The following RPS13 variants were observed in gnomAD, a reference collection of about 807,000 sequenced individuals.
The protein encoded by RPS13 is small ribosomal subunit protein uS15.
Under a neutral mutation model 24.6 loss-of-function variants are expected in RPS13, and 1 was observed. That is an observed-to-expected ratio of 0.04 (90% CI 0.01 to 0.19). The LOEUF is 0.19. Ranked by LOEUF, RPS13 falls within the 10% of genes least tolerant of loss-of-function variation. The pLI, the probability that RPS13 is intolerant of heterozygous loss-of-function variation, is 1.00. For missense variants in RPS13, 88 were observed against 187.4 expected, an observed-to-expected ratio of 0.47 and a Z score of 3.10; for synonymous variants, 69 against 65.3, an observed-to-expected ratio of 1.06 and a Z score of -0.27.
At chr11:17,075,270 A>G (rs1405100424) in intron 4 of RPS13, 73 bp from the exon 5 acceptor site, 6 of 1,140,044 alleles carry the variant, frequency 5.3e-6, no homozygotes, top group Middle Eastern at 4.0e-4. Flanking sequence ...TTAATAAGAG[A>G]ATGTAGAGCT....
intron 3 of RPS13, chr11:17,076,910 T>TG (rs1386917947): frequency 3.8e-6 from 2 of 527,068 alleles, no homozygotes; most frequent in Non-Finnish European, 6.8e-6. Context: ...CTGTGTGATT[T>TG]GGGGCTGGTT....
chr11:17,077,487 G>T lies in RPS13; in HGVS notation c.24-10C>A. 1 of 1,614,064 alleles carries T rather than the reference G, an allele frequency of 6.2e-7. No homozygotes were observed. The highest frequency in any genetic ancestry group is 8.5e-7 in the Non-Finnish European group (1 of 1,180,010). On this transcript the variant is annotated splice_polypyrimidine_tract_variant and intron_variant, in intron 1 of 5. Transcript: ENST00000525634. Reference sequence around the variant, plus strand: ...CTGGGACAGGCCCTTCCTGGGGAGAGAAGCAGTCTCGAGGTGAGGTGGCGG... The same window carrying T: ...CTGGGACAGGCCCTTCCTGGGGAGATAAGCAGTCTCGAGGTGAGGTGGCGG...
intron 5 of RPS13, 150 bp downstream of exon 5, chr11:17,074,947 G>C: frequency 1.6e-6 from 1 of 627,690 alleles, no homozygotes; most frequent in Non-Finnish European, 2.8e-6. Context: ...CCCACTACCA[G>C]GCCAGAGCTC....
At chr11:17,074,863 T>C (rs1041224218) in intron 5 of RPS13, 21 of 615,946 alleles carry the variant, frequency 3.4e-5, no homozygotes, top group Non-Finnish European at 5.8e-5. Flanking sequence ...GGTCTGCAAC[T>C]ATGGCCCTCT....
intron 3 of RPS13, chr11:17,076,023 T>G (rs1848020602): frequency 3.1e-6 from 1 of 318,938 alleles, no homozygotes; most frequent in African/African-American, 2.2e-5. Flanking sequence ...ACATATTTTC[T>G]TTTGATGTGT....
In RPS13 at chr11:17,077,415, A is replaced by C. The variant is rs1848037847; in HGVS notation, c.72+14T>G. On this transcript the variant is annotated intron_variant, in intron 2 of 5. Coordinates refer to ENST00000525634, the MANE Select transcript of RPS13 (RefSeq NM_001017.3). ...CCCTCCCCGGATTCTCCCCGGTCCC[A>C]GCGCGCTACTTACAGTGGGGACGCT... is the stretch of plus-strand genomic sequence containing the variant. The C allele has an allele frequency of 6.2e-7, 1 of 1,602,790 alleles. No homozygotes were observed. Among genetic ancestry groups the C allele is most frequent in the African/African-American group, 1.3e-5 (1 of 74,294 alleles).
chr11:17,075,925 C>T (rs1848019188), intron 3 of RPS13: 1 of 491,058 alleles, frequency 2.0e-6, no homozygotes, highest in Non-Finnish European at 3.9e-6. Flanking sequence ...CTAACATTTA[C>T]TGAGAACTCT....
In RPS13 at chr11:17,075,490, T is replaced by C; in HGVS notation, c.285A>G (p.Ala95=). Residue 95 remains alanine (A), a synonymous_variant, in exon 4 of 6, where the codon GCA becomes GCG. Coordinates refer to ENST00000525634, the MANE Select transcript of RPS13 (RefSeq NM_001017.3). ...TCTCAAGATGCTTTCGAACAGCAAC[T>C]GCTTTCTTAATTAAATGGTAGAGAT... The part of the protein sequence containing the change: ...PEDLYHLIKK[A]VAVRKHLERN... 2 of 1,586,862 alleles carry C rather than the reference T, an allele frequency of 1.3e-6. No individual in the cohort carries two copies. Among genetic ancestry groups the C allele is most frequent in the Admixed American group, 3.8e-5 (2 of 52,012 alleles).
rs559351859 is a variant in RPS13, at chr11:17,076,607, G to C, written c.151+561C>G. On this transcript the variant is annotated intron_variant, in intron 3 of 5. Transcript: ENST00000525634. ...CTCTCTGTCACCCAGGAGTGCAGTG[G>C]CTTCATCATAGCTCACTGCAGCCTG... 2.9e-4 allele frequency: 114 copies of C among 392,150 alleles called. 1 individual carries two copies. The highest frequency in any genetic ancestry group is 2.1e-3 in the South Asian group (113 of 52,878). 24.3% of individuals were successfully genotyped at this position (392,150 alleles called of 1,614,324 possible). A position where few individuals can be genotyped will look rare whatever the true frequency, so the allele number is the denominator to read the frequency against.
chr11:17,077,369 C>CA, intron 2 of RPS13, 60 bp downstream of exon 2: 2 of 1,591,132 alleles, frequency 1.3e-6, no homozygotes, highest in Non-Finnish European at 1.7e-6. Flanking sequence ...GGCGTCGCTT[C>CA]ACCCGAGACA....
intron 3 of RPS13, chr11:17,076,471 G>T: frequency 2.9e-6 from 1 of 344,784 alleles, no homozygotes; most frequent in Non-Finnish European, 5.7e-6. Context: ...CAGGAGAATC[G>T]CTTGAATCCA....
intron 3 of RPS13, chr11:17,076,543 CAA>C: frequency 5.3e-6 from 2 of 377,598 alleles, no homozygotes; most frequent in South Asian, 3.8e-5. Flanking sequence ...GCGACAAGAG[CAA>C]GACTGTCTCA....
intron 4 of RPS13, 87 bp from the exon 5 acceptor site, chr11:17,075,284 A>G (rs1233340011): frequency 1.9e-6 from 2 of 1,057,084 alleles, no homozygotes; most frequent in Non-Finnish European, 1.4e-6. Flanking sequence ...TAGAGCTACC[A>G]TGCACTTTCT....
At chr11:17,075,062 T>C (rs374128297) in intron 5 of RPS13, 35 bp downstream of exon 5, 2 of 1,433,974 alleles carry the variant, frequency 1.4e-6, no homozygotes, top group Non-Finnish European at 1.9e-6. Flanking sequence ...CTGACTCCTA[T>C]TCTTGATAAC....
At chr11:17,075,792 CA>C (rs1848016830) in intron 3 of RPS13, 169 bp from the exon 4 acceptor site, 2 of 699,576 alleles carry the variant, frequency 2.9e-6, no homozygotes, top group Non-Finnish European at 2.6e-6. Flanking sequence ...CTCAGACATC[CA>C]AGGAAGGTTT....
intron 4 of RPS13, 70 bp from the exon 5 acceptor site, chr11:17,075,267 G>A: frequency 2.6e-6 from 3 of 1,149,094 alleles, no homozygotes; most frequent in South Asian, 2.9e-5. Context: ...ACATTAATAA[G>A]AGAATGTAGA....
intron 3 of RPS13, chr11:17,076,914 G>T (rs1848032274): frequency 1.9e-6 from 1 of 531,100 alleles, no homozygotes; most frequent in Non-Finnish European, 3.4e-6. Flanking sequence ...GTGATTTGGG[G>T]CTGGTTAGTA....
intron 2 of RPS13, 50 bp from the exon 3 acceptor site, chr11:17,077,296 C>G: frequency 2.5e-6 from 4 of 1,580,222 alleles, no homozygotes; most frequent in Non-Finnish European, 3.5e-6. Flanking sequence ...GGAATGGCGC[C>G]GCAGAACAGC....
intron 5 of RPS13, 87 bp from the exon 6 acceptor site, chr11:17,074,553 G>T: frequency 9.8e-7 from 1 of 1,019,588 alleles, no homozygotes. Context: ...CACTAATGGT[G>T]CTATTCTCAA....
Sources: allele counts gnomAD v4.1 joint callset, GRCh38; gene constraint gnomAD v4.1.1; transcripts MANE v1.5; gene names NCBI Gene and HGNC (gene_info 2026-07-23, HGNC 2026-07-21).